Variants in ROBO2 observed in about 807,000 individuals in gnomAD.
ROBO2 encodes the protein roundabout guidance receptor 2, also known as roundabout homolog 2.
In ROBO2, 53 loss-of-function variants were observed where a neutral mutation model predicts 160.8. The ratio of observed to expected loss-of-function variants is 0.33; its 90% CI spans 0.26 to 0.41. ROBO2 has a LOEUF of 0.41. Ranked by LOEUF, ROBO2 falls within the 10% of genes least tolerant of loss-of-function variation. The probability of loss-of-function intolerance (pLI) is 1.00; values close to 1 mark genes in which losing one functional copy is unlikely to be tolerated. For missense variants in ROBO2, 1,577 were observed against 1,722.4 expected (o/e 0.92, Z 1.49); for synonymous variants, 664 against 611.7 (o/e 1.09, Z -1.26).
At chr3:76,128,377 A>G (rs932166837) in intron 2 of ROBO2, among the ~76,000 whole-genome samples, 1 of 152,128 alleles carries the variant, frequency 6.6e-6, no homozygotes, top group Non-Finnish European at 1.5e-5. Flanking sequence ...TAAACAAAGG[A>G]TGGCTCAGTT....
At chr3:76,935,246 C>T (rs983240713) in intron 2 of ROBO2, among the ~76,000 whole-genome samples, 2 of 152,176 alleles carry the variant, frequency 1.3e-5, no homozygotes, top group African/African-American at 2.4e-5. Context: ...AGCCACCACA[C>T]CCAGCCTAGA....
intron 8 of ROBO2, among the ~76,000 whole-genome samples, chr3:77,555,295 G>C (rs767050346): frequency 6.6e-6 from 1 of 151,784 alleles, no homozygotes; most frequent in Non-Finnish European, 1.5e-5. Flanking sequence ...TTATTGTTGT[G>C]GTCTAGAACC....
chr3:75,929,470 A>T (rs933287346), intron 1 of ROBO2, among the ~76,000 whole-genome samples: 5 of 152,142 alleles, frequency 3.3e-5, no homozygotes, highest in African/African-American at 1.2e-4. Flanking sequence ...CCAAAGTACA[A>T]TTGTTGCTCT....
intron 2 of ROBO2, among the ~76,000 whole-genome samples, chr3:77,463,559 GATT>G (rs1254873145): frequency 2.6e-5 from 4 of 151,602 alleles, no homozygotes; most frequent in Non-Finnish European, 2.9e-5. Flanking sequence ...GGTTATTGAA[GATT>G]ATTATTATTA....
chr3:76,049,807 C>T (rs1164995452), intron 2 of ROBO2, among the ~76,000 whole-genome samples: 16 of 152,074 alleles, frequency 1.1e-4, no homozygotes, highest in Admixed American at 1.0e-3. Flanking sequence ...ACAAATTTTT[C>T]ACTCCTGGTA....
At chr3:76,326,635 ATACTT>A (rs763254013) in intron 2 of ROBO2, among the ~76,000 whole-genome samples, 82 of 151,932 alleles carry the variant, frequency 5.4e-4, no homozygotes, top group Non-Finnish European at 9.7e-4. Flanking sequence ...TTTTATTACT[ATACTT>A]TAAGTTTTAG....
chr3:76,905,335 A>AG (rs1242498438), intron 2 of ROBO2, among the ~76,000 whole-genome samples: 1 of 152,184 alleles, frequency 6.6e-6, no homozygotes, highest in Non-Finnish European at 1.5e-5. Flanking sequence ...AATCACGTAT[A>AG]GGGGGCACAC....
intron 2 of ROBO2, among the ~76,000 whole-genome samples, chr3:76,326,673 G>T (rs923085433): frequency 3.3e-5 from 5 of 151,346 alleles, no homozygotes; most frequent in African/African-American, 1.2e-4. Flanking sequence ...CATTGTGCAG[G>T]TTAGTTACAT....
At chr3:77,023,652 T>C (rs6785625) in intron 2 of ROBO2, among the ~76,000 whole-genome samples, 45,370 of 152,114 alleles carry the variant, frequency 0.3, 9,573 homozygotes, top group African/African-American at 0.6. Context: ...AAGGATATAG[T>C]CTTGTAGTGA....
chr3:77,643,988 A>C (rs2095384148), intron 24 of ROBO2, among the ~76,000 whole-genome samples: 1 of 152,172 alleles, frequency 6.6e-6, no homozygotes, highest in Non-Finnish European at 1.5e-5. Context: ...CATAGAAAGA[A>C]CGTGAAAGAC....
intron 2 of ROBO2, among the ~76,000 whole-genome samples, chr3:76,256,795 T>G (rs1706421107): frequency 6.6e-6 from 1 of 152,078 alleles, no homozygotes; most frequent in Admixed American, 6.6e-5. Context: ...GGCTCATGGT[T>G]CTGCAGGCTT....
intron 2 of ROBO2, among the ~76,000 whole-genome samples, chr3:76,617,578 T>C (rs1687356914): frequency 6.6e-6 from 1 of 152,118 alleles, no homozygotes; most frequent in Non-Finnish European, 1.5e-5. Context: ...AATTTGGCAA[T>C]GGAAAAGGAT....
At chr3:76,720,834 A>G (rs2093453639) in intron 2 of ROBO2, among the ~76,000 whole-genome samples, 1 of 152,230 alleles carries the variant, frequency 6.6e-6, no homozygotes, top group African/African-American at 2.4e-5. Context: ...TTATAATTCT[A>G]GTCATCAAGA....
chr3:76,797,358 TAAG>T (rs1045359532), intron 2 of ROBO2, among the ~76,000 whole-genome samples: 2 of 152,036 alleles, frequency 1.3e-5, no homozygotes, highest in Admixed American at 1.3e-4. Flanking sequence ...ATGAAGAAAT[TAAG>T]AAAAAAATTT....
chr3:77,149,072 G>A (rs994739868), intron 2 of ROBO2, among the ~76,000 whole-genome samples: 1 of 137,500 alleles, frequency 7.3e-6, no homozygotes, highest in Admixed American at 8.0e-5. Context: ...GTCTCGCACT[G>A]TCACCCAGGC....
Position 76,016,707 on chromosome 3 carries a change from T to C in ROBO2, c.109+79105T>C, listed in dbSNP as rs149499868. ...TGCCGTGGGCCATATTGAAAGATAG[T>C]AAATAATTGAAATAAAATGCCAAGA... On this transcript the variant is annotated intron_variant, in intron 2 of 26. Transcript: ENST00000487694. 1.2e-4 allele frequency among the ~76,000 whole-genome samples: 18 copies of C among 152,254 alleles called. No individual in the cohort carries two copies. The East Asian group carries it at 3.5e-3, about 29-fold the overall frequency.
At chr3:76,672,716 G>A (rs1226706871) in intron 2 of ROBO2, among the ~76,000 whole-genome samples, 1 of 152,124 alleles carries the variant, frequency 6.6e-6, no homozygotes, top group African/African-American at 2.4e-5. Flanking sequence ...TCAGTCACCA[G>A]TGTGCCCATC....
intron 2 of ROBO2, among the ~76,000 whole-genome samples, chr3:76,075,472 ATT>A (rs10686575): frequency 2.8e-5 from 4 of 143,468 alleles, no homozygotes; most frequent in Non-Finnish European, 4.5e-5. Context: ...GACTTTTCCT[ATT>A]TTTTTTTTTT....
At chr3:76,935,292 C>A (rs1480083542) in intron 2 of ROBO2, among the ~76,000 whole-genome samples, 2 of 152,156 alleles carry the variant, frequency 1.3e-5, no homozygotes, top group African/African-American at 4.8e-5. Flanking sequence ...ACAGTATCCA[C>A]AGCTTTTGTA....
Sources: gnomAD v4.1 joint callset for allele counts (sites outside exome capture counted in the v4.1 genomes callset) on GRCh38, gnomAD v4.1.1 for gene constraint, MANE v1.5 for transcripts, NCBI Gene and HGNC (gene_info 2026-07-23, HGNC 2026-07-21) for gene names.